The following REDIC1 variants were observed in gnomAD, a reference collection of about 807,000 sequenced individuals.
REDIC1 encodes the protein HEI10 Interacting Protein 1.
At chr12:39,658,332 G>A in the REDIC1 span, among the ~76,000 whole-genome samples, 1 of 152,102 alleles carries the variant, frequency 6.6e-6, no homozygotes, top group African/African-American at 2.4e-5. Context: ...TGATCCACCT[G>A]CCTCAGCCTC....
chr12:39,825,475 T>C, the REDIC1 span, among the ~76,000 whole-genome samples: 1 of 152,182 alleles, frequency 6.6e-6, no homozygotes, highest in African/African-American at 2.4e-5. Context: ...AAGTCATTCA[T>C]ACCTTCTAAG....
the REDIC1 span, among the ~76,000 whole-genome samples, chr12:39,715,631 C>G: frequency 6.6e-6 from 1 of 151,928 alleles, no homozygotes; most frequent in East Asian, 1.9e-4. Flanking sequence ...CAAGACTAAG[C>G]AAAGATAACA....
chr12:39,658,708 CTTTG>C, the REDIC1 span, among the ~76,000 whole-genome samples: 17 of 152,132 alleles, frequency 1.1e-4, no homozygotes, highest in East Asian at 5.8e-4. Context: ...CTTTTCATCT[CTTTG>C]TTTATTAGCT....
the REDIC1 span, among the ~76,000 whole-genome samples, chr12:39,815,615 C>T: frequency 2.6e-5 from 4 of 152,114 alleles, no homozygotes; most frequent in Middle Eastern, 3.4e-3. Flanking sequence ...AAGAGGCGAA[C>T]GGGGATAAAA....
At chr12:39,684,184 A>G in the REDIC1 span, 1 of 1,036,772 alleles carries the variant, frequency 9.6e-7, no homozygotes, top group Non-Finnish European at 1.2e-6. Context: ...TGTTGATGTT[A>G]AATTTATTCC....
the REDIC1 span, among the ~76,000 whole-genome samples, chr12:39,753,672 C>G: frequency 1.3e-5 from 2 of 152,134 alleles, no homozygotes; most frequent in Non-Finnish European, 2.9e-5. Flanking sequence ...ATTGCCTGTG[C>G]TTTGAACATT....
the REDIC1 span, among the ~76,000 whole-genome samples, chr12:39,702,842 T>C: frequency 1.3e-5 from 2 of 152,014 alleles, no homozygotes; most frequent in African/African-American, 4.8e-5. Context: ...ACCACATGAT[T>C]ATCTCAATAG....
At chr12:39,810,626 G>A in the REDIC1 span, among the ~76,000 whole-genome samples, 2 of 152,140 alleles carry the variant, frequency 1.3e-5, no homozygotes, top group African/African-American at 4.8e-5. Flanking sequence ...GAGATGTTAT[G>A]TATCAGGTCG....
chr12:39,653,585 C>CTTCTTT, the REDIC1 span, among the ~76,000 whole-genome samples: 117 of 75,224 alleles, frequency 1.6e-3, 15 homozygotes, highest in Admixed American at 0.016. Context: ...TCTTCCTCTT[C>CTTCTTT]TTCTTCCTCT....
At chr12:39,756,341 G>A in the REDIC1 span, 1 of 151,590 alleles carries the variant, frequency 6.6e-6, no homozygotes, top group Non-Finnish European at 1.5e-5. Flanking sequence ...GTCTTAATTT[G>A]GTAATTAAAA....
chr12:39,790,719 A>C, the REDIC1 span, among the ~76,000 whole-genome samples: 1,345 of 85,984 alleles, frequency 0.016, 16 homozygotes, highest in Non-Finnish European at 0.025. Flanking sequence ...ATTTATAGTC[A>C]TTTGGGTATA....
chr12:39,687,194 C>T, the REDIC1 span, among the ~76,000 whole-genome samples: 1 of 152,158 alleles, frequency 6.6e-6, no homozygotes, highest in Non-Finnish European at 1.5e-5. Flanking sequence ...TGCCCATTAC[C>T]AAGTTCCAAA....
At chr12:39,646,451 A>G in the REDIC1 span, 25 of 1,557,142 alleles carry the variant, frequency 1.6e-5, no homozygotes, top group East Asian at 5.2e-4. Context: ...CCTTGATGAT[A>G]CAGAAACCAA....
chr12:39,720,911 T>C, the REDIC1 span: 1 of 1,613,656 alleles, frequency 6.2e-7, no homozygotes, highest in Non-Finnish European at 8.5e-7. Context: ...GGTGACAGGA[T>C]TGTTAAAAAC....
At chr12:39,723,218 T>C in the REDIC1 span, among the ~76,000 whole-genome samples, 2 of 152,174 alleles carry the variant, frequency 1.3e-5, no homozygotes, top group Non-Finnish European at 2.9e-5. Context: ...TTTTAACTGG[T>C]ATCCTTTTAC....
the REDIC1 span, among the ~76,000 whole-genome samples, chr12:39,805,514 GTTT>G: frequency 2.0e-5 from 3 of 149,272 alleles, no homozygotes; most frequent in South Asian, 2.1e-4. Flanking sequence ...GCCTCTGTTG[GTTT>G]TTTTTTTTTC....
chr12:39,674,992 G>C, the REDIC1 span, among the ~76,000 whole-genome samples: 2 of 152,188 alleles, frequency 1.3e-5, no homozygotes, highest in African/African-American at 4.8e-5. Flanking sequence ...AGGCCTGGGA[G>C]CCCTGCTTGC....
chr12:39,718,204 T>A, the REDIC1 span, among the ~76,000 whole-genome samples: 1 of 152,096 alleles, frequency 6.6e-6, no homozygotes, highest in African/African-American at 2.4e-5. Flanking sequence ...GCATTGACCA[T>A]CCTTTCCATA....
At chr12:39,866,137 ATTAG>A in the REDIC1 span, among the ~76,000 whole-genome samples, 10 of 152,252 alleles carry the variant, frequency 6.6e-5, no homozygotes, top group Admixed American at 4.6e-4. Flanking sequence ...TTAAGGTTTT[ATTAG>A]TTAAGCTTGG....
Sources: allele counts gnomAD v4.1 joint callset (sites outside exome capture counted in the v4.1 genomes callset), GRCh38; gene constraint gnomAD v4.1.1; transcripts MANE v1.5; gene names NCBI Gene and HGNC (gene_info 2026-07-23, HGNC 2026-07-21).